Variants in SCML4 observed in about 807,000 individuals in gnomAD.
SCML4 encodes the protein Scm polycomb group protein like 4, also known as sex comb on midleg-like protein 4.
In SCML4, 34 loss-of-function variants were observed where a neutral mutation model predicts 41.1. The ratio of observed to expected loss-of-function variants is 0.83; its 90% CI spans 0.63 to 1.10. The LOEUF is 1.10. Among genes scored for constraint, SCML4 ranks in the 50% least tolerant of loss-of-function variants. The pLI is 0.00. For synonymous variants in SCML4, 214 were observed against 220.9 expected (o/e 0.97, Z 0.28); for missense variants, 522 against 534.1 (o/e 0.98, Z 0.22).
chr6:107,828,921 A>C (rs12524119), upstream of SCML4, among the ~76,000 whole-genome samples: 64,730 of 152,072 alleles, frequency 0.43, 16,412 homozygotes, highest in East Asian at 0.72. Context: ...TAGTGAAGAT[A>C]AACAAAAAAC....
intron 1 of SCML4, among the ~76,000 whole-genome samples, chr6:107,811,046 G>A (rs1484912148): frequency 6.6e-6 from 1 of 152,160 alleles, no homozygotes; most frequent in Non-Finnish European, 1.5e-5. Context: ...AGAGACATCA[G>A]GAGTGGAAGC....
chr6:107,765,072 A>G (rs1779924133), intron 2 of SCML4, among the ~76,000 whole-genome samples: 1 of 152,232 alleles, frequency 6.6e-6, no homozygotes, highest in African/African-American at 2.4e-5. Context: ...TAAATAAAGT[A>G]GGATTCAGAA....
At chr6:107,832,735 C>T in the SCML4 span, among the ~76,000 whole-genome samples, 456 of 152,238 alleles carry the variant, frequency 3.0e-3, 1 homozygote, top group African/African-American at 0.01. Context: ...CAGCAAGAAG[C>T]AACTGACTAG....
At chr6:107,796,024 G>T (rs188876143) in intron 1 of SCML4, among the ~76,000 whole-genome samples, 1 of 152,186 alleles carries the variant, frequency 6.6e-6, no homozygotes, top group African/African-American at 2.4e-5. Context: ...TTTTATTGCT[G>T]AATAGTAGAC....
At chr6:107,800,998 GTT>G (rs975117892) in intron 1 of SCML4, among the ~76,000 whole-genome samples, 18 of 152,222 alleles carry the variant, frequency 1.2e-4, no homozygotes, top group African/African-American at 4.3e-4. Context: ...CCTCTTCCAA[GTT>G]TCTGCGTTCC....
At chr6:107,744,190 C>T (rs1047013467) in intron 5 of SCML4, 2 of 152,228 alleles carry the variant, frequency 1.3e-5, no homozygotes, top group African/African-American at 4.8e-5. Context: ...TCACCTTCAC[C>T]TCTTTGCAGA....
At chr6:107,795,988 T>G (rs1782680741) in intron 1 of SCML4, among the ~76,000 whole-genome samples, 1 of 152,270 alleles carries the variant, frequency 6.6e-6, no homozygotes, top group Admixed American at 6.5e-5. Flanking sequence ...TAATTATATT[T>G]GTAAGTATAC....
the SCML4 span, among the ~76,000 whole-genome samples, chr6:107,837,925 T>TTTTTTG: frequency 7.7e-6 from 1 of 129,166 alleles, no homozygotes; most frequent in African/African-American, 2.8e-5. Flanking sequence ...TTTTTTTTTT[T>TTTTTTG]GAGATGGAGT....
chr6:107,791,725 A>G (rs1425306981), intron 1 of SCML4, among the ~76,000 whole-genome samples: 1 of 152,164 alleles, frequency 6.6e-6, no homozygotes, highest in Non-Finnish European at 1.5e-5. Context: ...AAGCCAAGGC[A>G]GAAAGATCAC....
At chr6:107,766,611 T>C (rs984917950) in intron 2 of SCML4, among the ~76,000 whole-genome samples, 1 of 152,238 alleles carries the variant, frequency 6.6e-6, no homozygotes, top group African/African-American at 2.4e-5. Context: ...ACAACTAACA[T>C]TCATGTCAGA....
In SCML4 at chr6:107,741,488, G is replaced by A. The variant is rs144714221; in HGVS notation, c.682+3461C>T. Among the ~76,000 whole-genome samples, 678 of 152,330 alleles carry A rather than the reference G, an allele frequency of 4.5e-3. 7 individuals are homozygous for A. Among genetic ancestry groups the A allele is most frequent in the African/African-American group, 0.016 (649 of 41,568 alleles). ...GCCCGAAGGGAGAAATATCCCTGAG[G>A]ACAGCCAGAGACAAAGCAGGGAGGT... is the stretch of plus-strand genomic sequence containing the variant. On this transcript the variant is annotated intron_variant, in intron 5 of 7. Transcript: ENST00000369020.
At chr6:107,821,489 A>C (rs1365900191) in intron 1 of SCML4, among the ~76,000 whole-genome samples, 1 of 152,240 alleles carries the variant, frequency 6.6e-6, no homozygotes, top group East Asian at 1.9e-4. Context: ...CTGCTTTCAC[A>C]AACTTCATCC....
At chr6:107,725,422 C>G (rs183870628) in intron 5 of SCML4, among the ~76,000 whole-genome samples, 1 of 152,204 alleles carries the variant, frequency 6.6e-6, no homozygotes, top group African/African-American at 2.4e-5. Context: ...AATAGGTATA[C>G]AGATCAATGA....
chr6:107,711,621 T>A (rs1444903635), intron 6 of SCML4, among the ~76,000 whole-genome samples: 1 of 152,174 alleles, frequency 6.6e-6, no homozygotes, highest in Non-Finnish European at 1.5e-5. Context: ...AAATAGGACT[T>A]GATAAATGTG....
intron 1 of SCML4, among the ~76,000 whole-genome samples, chr6:107,821,845 C>T (rs986683670): frequency 1.3e-5 from 2 of 152,210 alleles, no homozygotes; most frequent in Non-Finnish European, 2.9e-5. Flanking sequence ...GCCACCACCT[C>T]TGCCTGGACC....
At chr6:107,740,781 G>C (rs1777527984) in intron 5 of SCML4, among the ~76,000 whole-genome samples, 2 of 152,202 alleles carry the variant, frequency 1.3e-5, no homozygotes, top group African/African-American at 4.8e-5. Flanking sequence ...GGTCACCAAA[G>C]AACACATGTA....
At chr6:107,759,149 A>C (rs1290017051) in intron 2 of SCML4, among the ~76,000 whole-genome samples, 3 of 150,906 alleles carry the variant, frequency 2.0e-5, no homozygotes, top group Non-Finnish European at 4.4e-5. Context: ...AAAAAAAAAA[A>C]AAAAACCTGA....
intron 1 of SCML4, among the ~76,000 whole-genome samples, chr6:107,817,303 T>G (rs1167383164): frequency 6.6e-6 from 1 of 152,210 alleles, no homozygotes; most frequent in Non-Finnish European, 1.5e-5. Context: ...GAAATGCATA[T>G]TAGACAAACC....
intron 6 of SCML4, chr6:107,719,944 A>G: frequency 2.0e-6 from 2 of 985,484 alleles, no homozygotes; most frequent in Non-Finnish European, 1.2e-6. Flanking sequence ...AAGGGCCTTC[A>G]AGCTATTACT....
Sources: allele counts gnomAD v4.1 joint callset (sites outside exome capture counted in the v4.1 genomes callset), GRCh38; gene constraint gnomAD v4.1.1; transcripts MANE v1.5; gene names NCBI Gene and HGNC (gene_info 2026-07-23, HGNC 2026-07-21).